TMEFF1: variants seen among roughly 807,000 people sequenced by gnomAD.
TMEFF1 encodes the protein tomoregulin-1.
TMEFF1 carries 20 observed loss-of-function variants against 47.5 expected under a neutral mutation model. That is an observed-to-expected ratio of 0.42 (90% CI 0.30 to 0.61). The LOEUF is 0.61. Among genes scored for constraint, TMEFF1 ranks in the 20% least tolerant of loss-of-function variants. The probability of loss-of-function intolerance (pLI) is 0.19; values close to 1 mark genes in which losing one functional copy is unlikely to be tolerated. For missense variants in TMEFF1, 411 were observed against 471.1 expected (o/e 0.87, Z 1.18); for synonymous variants, 162 against 166.3 (o/e 0.97, Z 0.20).
intron 5 of TMEFF1, among the ~76,000 whole-genome samples, chr9:100,522,625 T>A (rs1838184209): frequency 6.6e-6 from 1 of 151,702 alleles, no homozygotes; most frequent in Non-Finnish European, 1.5e-5. Flanking sequence ...TTAGTAGAGA[T>A]GGGGTTTCAC....
chr9:100,486,553 A>C (rs1837453947), intron 1 of TMEFF1, among the ~76,000 whole-genome samples: 1 of 152,208 alleles, frequency 6.6e-6, no homozygotes, highest in African/African-American at 2.4e-5. Context: ...GAACTTTTAA[A>C]AAAATATTCA....
At chr9:100,541,434 C>T (rs571053137) in intron 5 of TMEFF1, among the ~76,000 whole-genome samples, 29 of 136,482 alleles carry the variant, frequency 2.1e-4, no homozygotes, top group Admixed American at 1.3e-3. Context: ...AGTGCAGTGG[C>T]GCTATCTTGG....
intron 8 of TMEFF1, among the ~76,000 whole-genome samples, chr9:100,567,197 C>T (rs938247964): frequency 2.6e-5 from 4 of 152,188 alleles, no homozygotes. Flanking sequence ...TTGGGCATGC[C>T]ATGCATGCAT....
At chr9:100,504,856 A>T (rs1179595217) in intron 2 of TMEFF1, among the ~76,000 whole-genome samples, 1 of 152,240 alleles carries the variant, frequency 6.6e-6, no homozygotes, top group Non-Finnish European at 1.5e-5. Flanking sequence ...AAATGTGAAG[A>T]TTCTCAGCCC....
At chr9:100,522,490 T>C (rs1838181441) in intron 5 of TMEFF1, among the ~76,000 whole-genome samples, 1 of 128,254 alleles carries the variant, frequency 7.8e-6, no homozygotes, top group African/African-American at 2.9e-5. Flanking sequence ...CAGGCCGGAG[T>C]GGAGTGGCAC....
At chr9:100,481,013 G>A (rs1039248502) in intron 1 of TMEFF1, among the ~76,000 whole-genome samples, 8 of 152,144 alleles carry the variant, frequency 5.3e-5, no homozygotes, top group Admixed American at 1.3e-4. Flanking sequence ...AACAACAGAC[G>A]CACTTTTGCC....
intron 5 of TMEFF1, among the ~76,000 whole-genome samples, chr9:100,533,632 C>T (rs948166983): frequency 2.2e-4 from 33 of 151,708 alleles, no homozygotes; most frequent in African/African-American, 6.8e-4. Context: ...ATATATTTTC[C>T]TTCTTTTTGT....
chr9:100,547,313 G>A (rs1216049907), intron 5 of TMEFF1, among the ~76,000 whole-genome samples: 2 of 152,230 alleles, frequency 1.3e-5, no homozygotes, highest in East Asian at 3.9e-4. Flanking sequence ...ATCATGCCTG[G>A]CCATTATTAT....
chr9:100,501,011 C>T (rs137862157), intron 2 of TMEFF1, among the ~76,000 whole-genome samples: 99 of 152,252 alleles, frequency 6.5e-4, no homozygotes, highest in Non-Finnish European at 1.0e-3. Context: ...TGAGTTTATA[C>T]GCGGAAACTG....
intron 7 of TMEFF1, among the ~76,000 whole-genome samples, chr9:100,560,042 T>G (rs1838984957): frequency 6.6e-6 from 1 of 152,126 alleles, no homozygotes; most frequent in African/African-American, 2.4e-5. Context: ...CTATTCTCAC[T>G]TCTCCCTTGA....
chr9:100,562,630 G>GTTTGTTTTGTTTTGT (rs55940754), intron 8 of TMEFF1, among the ~76,000 whole-genome samples: 12 of 142,450 alleles, frequency 8.4e-5, no homozygotes, highest in South Asian at 6.8e-4. Flanking sequence ...TTTTTTTTTT[G>GTTTGTTTTGTTTTGT]TTTGTTTTGT....
At chr9:100,503,535 AACACAC>A (rs66485935) in intron 2 of TMEFF1, among the ~76,000 whole-genome samples, 7,474 of 143,946 alleles carry the variant, frequency 0.052, 195 homozygotes, top group Middle Eastern at 0.074. Context: ...GAGAAACAGA[AACACAC>A]ACACACACAC....
intron 5 of TMEFF1, among the ~76,000 whole-genome samples, chr9:100,535,585 A>C (rs1838487421): frequency 6.6e-6 from 1 of 152,222 alleles, no homozygotes; most frequent in African/African-American, 2.4e-5. Flanking sequence ...AGCCTGGCCA[A>C]CATGGCCAAA....
intron 5 of TMEFF1, among the ~76,000 whole-genome samples, chr9:100,538,700 G>A (rs1261685133): frequency 6.6e-6 from 1 of 152,152 alleles, no homozygotes; most frequent in African/African-American, 2.4e-5. Context: ...CTCGTGCACA[G>A]CATTATGTTT....
At chr9:100,529,386 G>C (rs1434765688) in intron 5 of TMEFF1, among the ~76,000 whole-genome samples, 2 of 149,594 alleles carry the variant, frequency 1.3e-5, no homozygotes, top group South Asian at 2.2e-4. Flanking sequence ...AAAATAAAAG[G>C]ATGGAGGAAG....
Position 100,558,596 on chromosome 9 carries a change from A to G in TMEFF1, c.776-2801A>G, listed in dbSNP as rs369818399. ...TAATTAAGTTTTGACCTCTGTTAGGAAACACAGGATAGGACTACTGCAGAC... is the reference window on the plus strand; with the variant it reads ...TAATTAAGTTTTGACCTCTGTTAGGGAACACAGGATAGGACTACTGCAGAC... On this transcript the variant is annotated intron_variant, in intron 7 of 9. Coordinates refer to ENST00000374879, the MANE Select transcript of TMEFF1 (RefSeq NM_003692.5). 8.6e-5 allele frequency among the ~76,000 whole-genome samples: 13 copies of G among 151,862 alleles called. No individual in the cohort carries two copies. The East Asian group carries it at 2.5e-3, about 30-fold the overall frequency.
intron 1 of TMEFF1, among the ~76,000 whole-genome samples, chr9:100,491,882 CTT>C (rs145822143): frequency 2.0e-4 from 27 of 137,366 alleles, no homozygotes; most frequent in Admixed American, 2.2e-4. Flanking sequence ...AGTTTCTTTC[CTT>C]TTTTTTTTTT....
intron 1 of TMEFF1, among the ~76,000 whole-genome samples, chr9:100,493,272 TTCTG>T (rs1432392503): frequency 6.6e-6 from 1 of 152,148 alleles, no homozygotes; most frequent in South Asian, 2.1e-4. Flanking sequence ...AAACCCTGAG[TTCTG>T]TTGTAACATC....
chr9:100,506,561 C>G (rs543800051), intron 2 of TMEFF1, among the ~76,000 whole-genome samples: 1 of 151,728 alleles, frequency 6.6e-6, no homozygotes, highest in Non-Finnish European at 1.5e-5. Flanking sequence ...GTCAGGAGAT[C>G]GAGACCATCC....
Sources: gnomAD v4.1 joint callset for allele counts (sites outside exome capture counted in the v4.1 genomes callset) on GRCh38, gnomAD v4.1.1 for gene constraint, MANE v1.5 for transcripts, NCBI Gene and HGNC (gene_info 2026-07-23, HGNC 2026-07-21) for gene names.